USP53: variants seen among roughly 807,000 people sequenced by gnomAD.
The protein encoded by USP53 is ubiquitin carboxyl-terminal hydrolase 53.
USP53 carries 71 observed loss-of-function variants against 94.9 expected under a neutral mutation model. The observed-to-expected ratio is 0.75, with a 90% CI of 0.62 to 0.91. The LOEUF (loss-of-function observed/expected upper bound fraction) is 0.91, where lower values mean the gene tolerates loss of function less well. USP53 is among the 40% of genes least tolerant of loss of function. The pLI is 0.00. For synonymous variants in USP53, 375 were observed against 422.7 expected (o/e 0.89, Z 1.39); for missense variants, 1,173 against 1,281.0 (o/e 0.92, Z 1.29).
At chr4:119,215,491 G>C (rs754128123) in intron 2 of USP53, among the ~76,000 whole-genome samples, 2 of 152,058 alleles carry the variant, frequency 1.3e-5, no homozygotes, top group Admixed American at 1.3e-4. Context: ...ATAATATTCT[G>C]TGCTCTTCCA....
intron 17 of USP53, among the ~76,000 whole-genome samples, chr4:119,289,175 T>G (rs1461977406): frequency 6.6e-6 from 1 of 152,150 alleles, no homozygotes; most frequent in East Asian, 1.9e-4. Context: ...TATTTCCCAT[T>G]TCCTCATATA....
intron 6 of USP53, among the ~76,000 whole-genome samples, chr4:119,247,550 C>G (rs1385027388): frequency 6.6e-6 from 1 of 152,126 alleles, no homozygotes; most frequent in Non-Finnish European, 1.5e-5. Context: ...CTATTTTTCT[C>G]TACTGTACTT....
Position 119,273,793 on chromosome 4 carries a change from A to C in USP53, c.2251+85A>C, listed in dbSNP as rs956832435. 2.8e-6 allele frequency: 3 copies of C among 1,079,880 alleles called. No homozygotes were observed. The East Asian group carries it at 7.9e-5, about 28-fold the overall frequency. The allele number at this position is 1,079,880 out of a possible 1,614,324, so 66.9% of individuals were successfully genotyped here. ...TTTGCTATTATGTATCTGAGAGAAAATCCTATATGACTATAAAAATTATTT... is the reference window on the plus strand; with the variant it reads ...TTTGCTATTATGTATCTGAGAGAAACTCCTATATGACTATAAAAATTATTT... On this transcript the variant is annotated intron_variant, in intron 17 of 18. Coordinates refer to ENST00000692078, the MANE Select transcript of USP53 (RefSeq NM_001371395.1).
At chr4:119,229,539 A>G (rs936463710) in intron 3 of USP53, among the ~76,000 whole-genome samples, 27 of 152,176 alleles carry the variant, frequency 1.8e-4, no homozygotes, top group African/African-American at 6.5e-4. Context: ...ATACTATTTG[A>G]GTTGGTATAA....
intron 14 of USP53, among the ~76,000 whole-genome samples, chr4:119,269,155 A>G (rs1751538748): frequency 6.6e-6 from 1 of 152,188 alleles, no homozygotes; most frequent in South Asian, 2.1e-4. Flanking sequence ...CAGATTATTG[A>G]TACTCTTAGA....
intron 3 of USP53, among the ~76,000 whole-genome samples, chr4:119,229,763 A>C (rs768787822): frequency 2.6e-5 from 4 of 151,970 alleles, no homozygotes; most frequent in East Asian, 1.9e-4. Context: ...TTTACCTCAA[A>C]TTCATCTTAT....
chr4:119,270,037 TAA>T (rs1327085511), intron 15 of USP53, among the ~76,000 whole-genome samples, 200 bp downstream of exon 15: 3 of 134,432 alleles, frequency 2.2e-5, no homozygotes, highest in East Asian at 4.3e-4. Flanking sequence ...TATAAATATA[TAA>T]ATTATATATA....
chr4:119,292,607 A>G lies in USP53; in HGVS notation c.2618A>G (p.Lys873Arg). 2 of 1,614,122 alleles carry G rather than the reference A, an allele frequency of 1.2e-6. No individual in the cohort carries two copies. The highest frequency in any genetic ancestry group is 1.7e-6 in the Non-Finnish European group (2 of 1,179,968). The change falls in exon 19 of 19, where the codon AAG (lysine) becomes AGG (arginine). Residue 873 changes from lysine (K) to arginine (R), a missense_variant. By Grantham distance (26) the Lys-to-Arg change is conservative (BLOSUM62 2). Coordinates refer to ENST00000692078, the MANE Select transcript of USP53 (RefSeq NM_001371395.1). ...TCACACCTAAGAACTGTTGGGTTAA[A>G]GCCAGAAACTGCTCCTCTCATCCAG... The part of the protein sequence containing the change: ...WSSHLRTVGL[K>R]PETAPLIQQQ...
chr4:119,291,926 T>G (rs1363735602), intron 18 of USP53, among the ~76,000 whole-genome samples: 2 of 152,164 alleles, frequency 1.3e-5, no homozygotes, highest in African/African-American at 4.8e-5. Flanking sequence ...ATTTAAGTAC[T>G]TCTACCTCTA....
Position 119,275,797 on chromosome 4 carries a change from T to C in USP53, c.2251+2089T>C, listed in dbSNP as rs897280617. Among the ~76,000 whole-genome samples the C allele has an allele frequency of 2.6e-5, 4 of 152,330 alleles. No homozygotes were observed. The South Asian group carries it at 8.3e-4, about 32-fold the overall frequency. ...CTTGAGCAGCGGTTTGTAGTTCTTCTTGAAGAGGTCCTTCACATCCCTTGT... is the reference window on the plus strand; with the variant it reads ...CTTGAGCAGCGGTTTGTAGTTCTTCCTGAAGAGGTCCTTCACATCCCTTGT... On this transcript the variant is annotated intron_variant, in intron 17 of 18. Transcript: ENST00000692078.
At chr4:119,259,296 G>GGC (rs1561275401) in intron 9 of USP53, among the ~76,000 whole-genome samples, 2 of 134,304 alleles carry the variant, frequency 1.5e-5, no homozygotes, top group African/African-American at 6.1e-5. Context: ...AAAAAAAAAA[G>GGC]GGGGGGGAGT....
At chr4:119,246,252 C>T (rs1156282844) in intron 6 of USP53, among the ~76,000 whole-genome samples, 1 of 152,172 alleles carries the variant, frequency 6.6e-6, no homozygotes, top group Non-Finnish European at 1.5e-5. Flanking sequence ...AGAACTGAGG[C>T]TGCAAGCAAG....
At chr4:119,236,085 C>T (rs953027774) in intron 4 of USP53, among the ~76,000 whole-genome samples, 1 of 152,136 alleles carries the variant, frequency 6.6e-6, no homozygotes, top group Non-Finnish European at 1.5e-5. Context: ...TTAGACAAAA[C>T]TGTTAGTAAT....
Position 119,256,433 on chromosome 4 carries a change from C to CTA in USP53, c.487-3_487-2dup, listed in dbSNP as rs1749776710. On this transcript the variant is annotated splice_region_variant and splice_polypyrimidine_tract_variant and intron_variant, in intron 8 of 18. Coordinates refer to ENST00000692078, the MANE Select transcript of USP53 (RefSeq NM_001371395.1). ...TGATAGATTAAACATATGTTTTTAC[C>CTA]TATATAGTGTGTGTGTCGTAGCTGT... 1 of 1,613,694 alleles carries CTA rather than the reference C, an allele frequency of 6.2e-7. No individual in the cohort carries two copies. Among genetic ancestry groups the CTA allele is most frequent in the Non-Finnish European group, 8.5e-7 (1 of 1,179,878 alleles).
intron 4 of USP53, among the ~76,000 whole-genome samples, chr4:119,237,568 A>G (rs1746960318): frequency 1.3e-5 from 2 of 151,864 alleles, no homozygotes; most frequent in South Asian, 4.2e-4. Flanking sequence ...AAAAAAAAAG[A>G]CAGAATCAGC....
chr4:119,258,690 G>A (rs1039850007), intron 9 of USP53, among the ~76,000 whole-genome samples: 1 of 152,120 alleles, frequency 6.6e-6, no homozygotes, highest in African/African-American at 2.4e-5. Context: ...TGAGAGTCAA[G>A]CAAAAGGTGT....
Position 119,254,548 on chromosome 4 carries a change from C to T in USP53, c.373-1698C>T, listed in dbSNP as rs187114899. 2.4e-3 allele frequency among the ~76,000 whole-genome samples: 363 copies of T among 152,268 alleles called. 2 individuals carry two copies. The highest frequency in any genetic ancestry group is 0.021 in the Admixed American group (319 of 15,298). Reference sequence around the variant, plus strand: ...GCTTGTGTATGCTTCACGAAGTTCTCGTACTATGTTTTTCAGCTCCATCAG... The same window carrying T: ...GCTTGTGTATGCTTCACGAAGTTCTTGTACTATGTTTTTCAGCTCCATCAG... On this transcript the variant is annotated intron_variant, in intron 7 of 18. Transcript: ENST00000692078.
At chr4:119,247,226 C>T (rs1243886067) in intron 6 of USP53, among the ~76,000 whole-genome samples, 2 of 152,168 alleles carry the variant, frequency 1.3e-5, no homozygotes, top group Non-Finnish European at 2.9e-5. Flanking sequence ...TGCCTCTTTC[C>T]TGTGCTTGCC....
intron 17 of USP53, among the ~76,000 whole-genome samples, chr4:119,288,938 C>CAAA (rs35580805): frequency 3.7e-5 from 4 of 107,014 alleles, no homozygotes; most frequent in East Asian, 2.6e-4. Context: ...AACTCTGTCT[C>CAAA]AAAAAAAAAA....
Sources: allele counts gnomAD v4.1 joint callset (sites outside exome capture counted in the v4.1 genomes callset), GRCh38; gene constraint gnomAD v4.1.1; transcripts MANE v1.5; gene names NCBI Gene and HGNC (gene_info 2026-07-23, HGNC 2026-07-21).